The following SYMPK variants were observed in gnomAD, a reference collection of about 807,000 sequenced individuals.
SYMPK encodes the protein symplekin.
Under a neutral mutation model 136.4 loss-of-function variants are expected in SYMPK, and 49 were observed. The observed-to-expected ratio is 0.36, with a 90% CI of 0.29 to 0.46. The LOEUF is 0.46. SYMPK is among the 20% of genes least tolerant of loss of function. The pLI, the probability that SYMPK is intolerant of heterozygous loss-of-function variation, is 1.00. For synonymous variants in SYMPK, 766 were observed against 713.0 expected, an observed-to-expected ratio of 1.07 and a Z score of -1.19; for missense variants, 1,365 against 1,690.0, an observed-to-expected ratio of 0.81 and a Z score of 3.37.
rs1482039266 is a variant in SYMPK, at chr19:45,863,141, G to C, written c.-96C>G. ...GCCGCCGCCGCCGCCGCCATCTTCCGTTCGTCGCCGGGAACGGTGCGCACG... is the reference window on the plus strand; with the variant it reads ...GCCGCCGCCGCCGCCGCCATCTTCCCTTCGTCGCCGGGAACGGTGCGCACG... On this transcript the variant is annotated 5_prime_UTR_variant, in exon 1 of 27. Coordinates refer to ENST00000245934, the MANE Select transcript of SYMPK (RefSeq NM_004819.3). 4.9e-6 allele frequency: 2 copies of C among 406,126 alleles called. No homozygotes were observed. Among genetic ancestry groups the C allele is most frequent in the Non-Finnish European group, 8.7e-6 (2 of 230,762 alleles). 25.2% of individuals were successfully genotyped at this position (406,126 alleles called of 1,614,324 possible).
At position 45,827,746 on chromosome 19, in the gene SYMPK, G is replaced by A. The variant is rs372832592; in HGVS notation, c.2067+91C>T. 14 of 1,525,726 alleles carry A rather than the reference G, an allele frequency of 9.2e-6. No homozygotes were observed. In the East Asian group the frequency reaches 2.3e-4, roughly 25 times the overall value. 94.5% of individuals were successfully genotyped at this position (1,525,726 alleles called of 1,614,324 possible). On this transcript the variant is annotated intron_variant, in intron 15 of 26. Coordinates refer to ENST00000245934, the MANE Select transcript of SYMPK (RefSeq NM_004819.3). ...GGCCCGGTCCCTCACAAAACCCCCG[G>A]CCACAAGGTTTAGACTGTGTGCCCT...
chr19:45,832,636 T>C (rs564781984), intron 11 of SYMPK, among the ~76,000 whole-genome samples: 23 of 152,236 alleles, frequency 1.5e-4, no homozygotes, highest in African/African-American at 5.3e-4. Flanking sequence ...AAACAAATGA[T>C]TGTATATTCA....
chr19:45,829,481 A>G (rs759264200), intron 13 of SYMPK, among the ~76,000 whole-genome samples: 1 of 152,102 alleles, frequency 6.6e-6, no homozygotes, highest in Admixed American at 6.5e-5. Flanking sequence ...ATCCTCAAAG[A>G]TTCCCCTCAT....
intron 3 of SYMPK, 64 bp from the exon 4 acceptor site, chr19:45,852,599 G>A (rs1971723818): frequency 6.3e-7 from 1 of 1,586,622 alleles, no homozygotes; most frequent in Non-Finnish European, 8.7e-7. Context: ...AATCAATGCA[G>A]ACAGGAGAGT....
chr19:45,846,301 G>GT (rs1451739450), intron 7 of SYMPK, among the ~76,000 whole-genome samples: 1 of 152,216 alleles, frequency 6.6e-6, no homozygotes, highest in East Asian at 1.9e-4. Flanking sequence ...AGAATGTAAT[G>GT]TAACTATACT....
chr19:45,847,833 C>A lies in SYMPK; in HGVS notation c.595G>T (p.Ala199Ser). 6.2e-7 allele frequency: 1 copy of A among 1,614,030 alleles called. No homozygotes were observed. The change falls in exon 7 of 27, where the codon GCT becomes TCT. Residue 199 changes from alanine (A) to serine (S), a missense_variant. Coordinates refer to ENST00000245934, the MANE Select transcript of SYMPK (RefSeq NM_004819.3). ...TGGCGTCGGGGTATCTCTGAGTCAG[C>A]CATGCGGGGTGACAGGGTGACAATG... Reference protein sequence around the residue: ...GLIVTLSPRMADSEIPRRQEH... With the variant: ...GLIVTLSPRMSDSEIPRRQEH...
At chr19:45,855,276 T>C (rs1411218897) in intron 1 of SYMPK, 1 of 152,198 alleles carries the variant, frequency 6.6e-6, no homozygotes, top group Non-Finnish European at 1.5e-5. Context: ...GCTTCAATAA[T>C]TATGTTTCAG....
intron 7 of SYMPK, 148 bp from the exon 8 acceptor site, chr19:45,844,348 G>C: frequency 1.7e-6 from 1 of 589,058 alleles, no homozygotes; most frequent in South Asian, 2.9e-5. Context: ...TGGTTGATTA[G>C]TTCTATGAGA....
Position 45,844,052 on chromosome 19 carries a change from G to C in SYMPK, c.825C>G (p.Ile275Met), listed in dbSNP as rs1303168637. The change falls in exon 8 of 27, where the codon ATC becomes ATG. Residue 275 changes from isoleucine (I) to methionine (M), a missense_variant. By Grantham distance (10) the Ile-to-Met change is conservative. This residue lies in a region of SYMPK where 237 missense variants were observed against 292.9 expected (regional missense o/e 0.81). Transcript: ENST00000245934. ...RQRPMFMSEVIQAYETLHANL... is the reference protein window; with the variant it reads ...RQRPMFMSEVMQAYETLHANL... ...TACCATGCAGAGTTTCATAGGCCTG[G>C]ATCACCTCAGACATGAACATGGGTC... 6.3e-7 allele frequency: 1 copy of C among 1,590,638 alleles called. No homozygotes were observed. Among genetic ancestry groups the C allele is most frequent in the Admixed American group, 1.7e-5 (1 of 58,128 alleles).
chr19:45,828,777 C>T, intron 14 of SYMPK, 193 bp downstream of exon 14: 1 of 609,848 alleles, frequency 1.6e-6, no homozygotes, highest in South Asian at 2.0e-5. Flanking sequence ...GGAGTGCGAC[C>T]TGGAGCCCAC....
intron 10 of SYMPK, among the ~76,000 whole-genome samples, chr19:45,835,607 C>T (rs1473775099): frequency 1.3e-5 from 2 of 152,094 alleles, no homozygotes; most frequent in Admixed American, 6.6e-5. Context: ...GCAGAGCTGG[C>T]ACCCTGTCCA....
In SYMPK at chr19:45,830,055, T is replaced by C; in HGVS notation, c.1748A>G (p.Gln583Arg). ...GGGTGGGGGGTGGCAGGCGCACACC[T>C]GGGCTGCCCCGCTGCAGGCCACAGC... ...EKAVACSGAA[Q>R]VRIKILASLV... Residue 583 changes from glutamine (Q) to arginine (R), a missense_variant and splice_region_variant, in exon 13 of 27, where the codon CAG becomes CGG. Physicochemically the swap from Gln to Arg is conservative, Grantham distance 43 (BLOSUM62 1). This residue lies in a region of SYMPK where 303 missense variants were observed against 326.6 expected (regional missense o/e 0.93). Transcript: ENST00000245934. The C allele has an allele frequency of 6.5e-7, 1 of 1,549,174 alleles. No individual in the cohort carries two copies. Among genetic ancestry groups the C allele is most frequent in the Non-Finnish European group, 8.7e-7 (1 of 1,144,684 alleles).
intron 5 of SYMPK, among the ~76,000 whole-genome samples, chr19:45,850,643 G>T (rs889436844): frequency 1.3e-5 from 2 of 152,140 alleles, no homozygotes; most frequent in South Asian, 4.1e-4. Context: ...GGCACAGTAC[G>T]TGTTCCATGT....
chr19:45,831,209 G>A (rs955839332), intron 12 of SYMPK, 175 bp downstream of exon 12: 1 of 417,986 alleles, frequency 2.4e-6, no homozygotes, highest in Non-Finnish European at 4.1e-6. Flanking sequence ...AACAGCAAAG[G>A]CTTAGTGGTT....
intron 23 of SYMPK, chr19:45,817,239 A>G (rs1970767796): frequency 1.3e-5 from 6 of 463,184 alleles, no homozygotes; most frequent in Non-Finnish European, 2.3e-5. Flanking sequence ...GGCCCAGGCT[A>G]AGTGCTGCGG....
intron 23 of SYMPK, chr19:45,817,244 C>T (rs545583077): frequency 1.0e-4 from 46 of 452,674 alleles, no homozygotes; most frequent in African/African-American, 8.3e-4. Context: ...AGGCTAAGTG[C>T]TGCGGGAGCA....
At chr19:45,831,612 CA>C in intron 11 of SYMPK, 24 bp from the exon 12 acceptor site, 1 of 1,550,402 alleles carries the variant, frequency 6.4e-7, no homozygotes, top group Non-Finnish European at 8.7e-7. Context: ...AGCAAACAGA[CA>C]CCCAGTGCGT....
chr19:45,837,684 T>G (rs2146323757), intron 10 of SYMPK, among the ~76,000 whole-genome samples: 1 of 144,426 alleles, frequency 6.9e-6, no homozygotes, highest in African/African-American at 2.6e-5. Context: ...CTAAGGCAAG[T>G]GGAACTTAAA....
At position 45,818,909 on chromosome 19, in the gene SYMPK, G is replaced by A. The variant is rs140631515; in HGVS notation, c.2894-763C>T. ...CTTCCCCAAACACCACTTGCCATGT[G>A]AGTGTCAACCAGGAAGTCTTTATTG... On this transcript the variant is annotated intron_variant, in intron 22 of 26. Coordinates refer to ENST00000245934, the MANE Select transcript of SYMPK (RefSeq NM_004819.3). 4.5e-3 allele frequency: 686 copies of A among 152,318 alleles called. 28 individuals are homozygous for A. The highest frequency in any genetic ancestry group is 0.041 in the Admixed American group (628 of 15,290). 9.4% of individuals were successfully genotyped at this position (152,318 alleles called of 1,614,324 possible).
Sources: allele counts gnomAD v4.1 joint callset (sites outside exome capture counted in the v4.1 genomes callset), GRCh38; gene constraint gnomAD v4.1.1; regional missense constraint gnomAD v4.1.1; transcripts MANE v1.5; gene names NCBI Gene and HGNC (gene_info 2026-07-23, HGNC 2026-07-21).